CDH12: variants seen among roughly 807,000 people sequenced by gnomAD.
CDH12 encodes cadherin-12.
CDH12 carries 41 observed loss-of-function variants against 74.1 expected under a neutral mutation model. The ratio of observed to expected loss-of-function variants is 0.55; its 90% CI spans 0.43 to 0.72. The LOEUF is 0.72. CDH12 is among the 30% of genes least tolerant of loss of function. The pLI, the probability that CDH12 is intolerant of heterozygous loss-of-function variation, is 0.00. For missense variants in CDH12, 945 were observed against 977.2 expected (o/e 0.97, Z 0.44); for synonymous variants, 399 against 355.0 (o/e 1.12, Z -1.39).
chr5:22,801,702 GA>G (rs1748538998), intron 1 of CDH12, among the ~76,000 whole-genome samples: 1 of 128,892 alleles, frequency 7.8e-6, no homozygotes, highest in Admixed American at 8.3e-5. Flanking sequence ...GTTTAATAGG[GA>G]GAACACATAA....
intron 4 of CDH12, among the ~76,000 whole-genome samples, chr5:22,202,654 T>C (rs1750991269): frequency 6.6e-6 from 1 of 152,160 alleles, no homozygotes. Flanking sequence ...TGTGAACACT[T>C]GTCCACGTCA....
intron 9 of CDH12, among the ~76,000 whole-genome samples, chr5:21,809,179 A>G (rs1156886784): frequency 6.6e-6 from 1 of 152,128 alleles, no homozygotes; most frequent in Non-Finnish European, 1.5e-5. Flanking sequence ...AGTTTTAACA[A>G]ATTATCTTAA....
At chr5:22,501,496 A>C (rs1736143345) in intron 2 of CDH12, among the ~76,000 whole-genome samples, 1 of 152,040 alleles carries the variant, frequency 6.6e-6, no homozygotes, top group Admixed American at 6.6e-5. Flanking sequence ...CTGTTTCTGT[A>C]TTTTTCCTTT....
At position 22,409,360 on chromosome 5, in the gene CDH12, T is replaced by C. The variant is rs558846899; in HGVS notation, c.-427-4009A>G. On this transcript the variant is annotated intron_variant, in intron 2 of 14. Coordinates refer to ENST00000382254, the MANE Select transcript of CDH12 (RefSeq NM_004061.5). ...GGTCTGAGTGCATATACAAAGAGTG[T>C]CTATAAATTAAAAATATAATAAAAT... Among the ~76,000 whole-genome samples the C allele has an allele frequency of 7.9e-5, 12 of 152,112 alleles. No individual in the cohort carries two copies. The East Asian group carries it at 2.3e-3, about 29-fold the overall frequency.
chr5:22,754,952 T>A (rs1745810942), intron 1 of CDH12, among the ~76,000 whole-genome samples: 3 of 152,124 alleles, frequency 2.0e-5, no homozygotes, highest in South Asian at 4.2e-4. Context: ...TGTAAAAAAA[T>A]TAAAATTTTA....
At chr5:21,954,846 T>C (rs1260455177) in intron 6 of CDH12, among the ~76,000 whole-genome samples, 2 of 152,094 alleles carry the variant, frequency 1.3e-5, no homozygotes, top group Non-Finnish European at 2.9e-5. Context: ...TTGATTATGA[T>C]TGTGAAAATA....
In CDH12 at chr5:22,815,785, AT is replaced by A. The variant is rs369970092; in HGVS notation, c.-523+37272del. Among the ~76,000 whole-genome samples, 417 of 147,254 alleles carry A rather than the reference AT, an allele frequency of 2.8e-3. 7 individuals are homozygous for A. The highest frequency in any genetic ancestry group is 7.0e-3 in the Middle Eastern group (2 of 284). ...ACTCCGTCTCAAAAAAAAAAAAAAA[AT>A]AAATAAATAATAAAAATAAAAAAAC... On this transcript the variant is annotated intron_variant, in intron 1 of 14. Transcript: ENST00000382254.
At chr5:21,946,920 G>T in intron 6 of CDH12, among the ~76,000 whole-genome samples, 1 of 152,176 alleles carries the variant, frequency 6.6e-6, no homozygotes, top group East Asian at 1.9e-4. Context: ...CGTGTCAAGG[G>T]CAAGACCTGG....
rs115184765 is a variant in CDH12, at chr5:22,335,117, G to A, written c.-333+70140C>T. On this transcript the variant is annotated intron_variant, in intron 3 of 14. Coordinates refer to ENST00000382254, the MANE Select transcript of CDH12 (RefSeq NM_004061.5). ...ACTCATCTGACAAGAGATTAATAACGAGAATAAGGAGCTCAAACAACTCTA... is the reference window on the plus strand; with the variant it reads ...ACTCATCTGACAAGAGATTAATAACAAGAATAAGGAGCTCAAACAACTCTA... Among the ~76,000 whole-genome samples the A allele has an allele frequency of 7.7e-3, 1,170 of 152,168 alleles. 5 individuals are homozygous for A. Among genetic ancestry groups the A allele is most frequent in the Non-Finnish European group, 0.013 (909 of 68,000 alleles).
intron 6 of CDH12, among the ~76,000 whole-genome samples, chr5:21,866,062 C>T (rs1014474730): frequency 5.9e-5 from 9 of 152,210 alleles, no homozygotes; most frequent in African/African-American, 1.7e-4. Flanking sequence ...TTGGTTCTCA[C>T]TCTTGTCTTG....
At chr5:22,703,566 A>G (rs1036204255) in intron 1 of CDH12, among the ~76,000 whole-genome samples, 7 of 152,190 alleles carry the variant, frequency 4.6e-5, no homozygotes, top group African/African-American at 1.7e-4. Context: ...ATAAAACAAG[A>G]TGTCATATTA....
At chr5:22,836,919 T>C (rs1581049402) in intron 1 of CDH12, among the ~76,000 whole-genome samples, 1 of 152,292 alleles carries the variant, frequency 6.6e-6, no homozygotes, top group South Asian at 2.1e-4. Context: ...AATGGAACTA[T>C]CATTTAATGA....
chr5:22,148,468 AT>A (rs1747352966), intron 4 of CDH12, among the ~76,000 whole-genome samples: 2 of 151,936 alleles, frequency 1.3e-5, no homozygotes, highest in Non-Finnish European at 2.9e-5. Context: ...GTGGGAATGC[AT>A]TTGAAGAGAT....
At chr5:22,619,740 A>T (rs945205116) in intron 1 of CDH12, among the ~76,000 whole-genome samples, 16 of 151,914 alleles carry the variant, frequency 1.1e-4, no homozygotes, top group Non-Finnish European at 1.9e-4. Context: ...ACAAAAAAAA[A>T]AAGTCTCCAC....
intron 6 of CDH12, among the ~76,000 whole-genome samples, chr5:21,950,541 A>G (rs1309261930): frequency 2.0e-5 from 3 of 151,838 alleles, no homozygotes; most frequent in African/African-American, 7.2e-5. Context: ...TTGGCAGAGT[A>G]GTTAAAAAAA....
intron 1 of CDH12, among the ~76,000 whole-genome samples, chr5:22,815,390 T>C (rs1223818205): frequency 6.6e-6 from 1 of 151,912 alleles, no homozygotes; most frequent in Non-Finnish European, 1.5e-5. Flanking sequence ...TAGACTACAG[T>C]AGAGAAAGGA....
chr5:21,948,613 A>C (rs2150097925), intron 6 of CDH12, among the ~76,000 whole-genome samples: 1 of 152,018 alleles, frequency 6.6e-6, no homozygotes, highest in East Asian at 1.9e-4. Context: ...TGGGCTGTTG[A>C]GTTACTGCTG....
At chr5:22,566,428 C>T (rs538072318) in intron 1 of CDH12, among the ~76,000 whole-genome samples, 8 of 151,974 alleles carry the variant, frequency 5.3e-5, no homozygotes, top group South Asian at 2.1e-4. Flanking sequence ...TTAGTAGAGA[C>T]GCAGTTTCAC....
intron 4 of CDH12, among the ~76,000 whole-genome samples, chr5:22,167,528 T>C (rs1011620561): frequency 4.6e-5 from 7 of 152,162 alleles, no homozygotes; most frequent in African/African-American, 1.7e-4. Context: ...TATAGCTCTT[T>C]GGACTCAATG....
Sources: allele counts gnomAD v4.1 joint callset (sites outside exome capture counted in the v4.1 genomes callset), GRCh38; gene constraint gnomAD v4.1.1; transcripts MANE v1.5; gene names NCBI Gene and HGNC (gene_info 2026-07-23, HGNC 2026-07-21).